Variants in MBTD1 observed in about 807,000 individuals in gnomAD.
MBTD1 encodes the protein mbt domain containing 1, also known as MBT domain-containing protein 1.
MBTD1 carries 24 observed loss-of-function variants against 87.8 expected under a neutral mutation model. The observed-to-expected ratio is 0.27, with a 90% CI of 0.20 to 0.38. MBTD1 has a LOEUF of 0.38. Among genes scored for constraint, MBTD1 ranks in the 10% least tolerant of loss-of-function variants. The pLI is 1.00. For synonymous variants in MBTD1, 237 were observed against 248.6 expected, an observed-to-expected ratio of 0.95 and a Z score of 0.44; for missense variants, 436 against 760.2, an observed-to-expected ratio of 0.57 and a Z score of 5.02.
At chr17:51,232,517 A>C (rs951493204) in intron 2 of MBTD1, among the ~76,000 whole-genome samples, 1 of 152,156 alleles carries the variant, frequency 6.6e-6, no homozygotes, top group African/African-American at 2.4e-5. Flanking sequence ...TAAAACAAAC[A>C]CCAACTTATT....
intron 2 of MBTD1, among the ~76,000 whole-genome samples, chr17:51,249,078 TC>T (rs1422885982): frequency 2.7e-5 from 4 of 149,402 alleles, no homozygotes; most frequent in Non-Finnish European, 5.9e-5. Context: ...TGGCGAGACT[TC>T]GTCTCTACAA....
chr17:51,183,650 CTG>C (rs1439546171), intron 16 of MBTD1: 2 of 152,196 alleles, frequency 1.3e-5, no homozygotes, highest in Non-Finnish European at 2.9e-5. Context: ...GCAAACAAGA[CTG>C]TGCAGTTAGT....
At chr17:51,257,937 G>A (rs1329796930) in intron 2 of MBTD1, among the ~76,000 whole-genome samples, 1 of 151,154 alleles carries the variant, frequency 6.6e-6, no homozygotes, top group Non-Finnish European at 1.5e-5. Flanking sequence ...AATTTGCAAG[G>A]TACTCACAAG....
intron 2 of MBTD1, among the ~76,000 whole-genome samples, chr17:51,234,021 T>C (rs1469188543): frequency 6.6e-6 from 1 of 151,390 alleles, no homozygotes; most frequent in Non-Finnish European, 1.5e-5. Flanking sequence ...TTGAGATCAA[T>C]AAAACTGATA....
At chr17:51,196,078 TTTAA>T (rs1391119955) in intron 12 of MBTD1, among the ~76,000 whole-genome samples, 1 of 152,078 alleles carries the variant, frequency 6.6e-6, no homozygotes, top group Non-Finnish European at 1.5e-5. Flanking sequence ...CGGCTAATTG[TTTAA>T]TTTTTATTTT....
intron 16 of MBTD1, among the ~76,000 whole-genome samples, chr17:51,189,776 A>G (rs535132080): frequency 6.6e-6 from 1 of 152,256 alleles, no homozygotes; most frequent in African/African-American, 2.4e-5. Flanking sequence ...CTTAGTGATC[A>G]TATCTGCTAT....
intron 2 of MBTD1, among the ~76,000 whole-genome samples, chr17:51,225,658 A>AG (rs2053172445): frequency 6.6e-6 from 1 of 152,126 alleles, no homozygotes; most frequent in South Asian, 2.1e-4. Context: ...CCCTGCCTCA[A>AG]GGGATGTCCT....
At position 51,227,315 on chromosome 17, in the gene MBTD1, C is replaced by CT. The variant is rs577586962; in HGVS notation, c.-48-2107dup. Among the ~76,000 whole-genome samples, 6 of 150,406 alleles carry CT rather than the reference C, an allele frequency of 4.0e-5. No homozygotes were observed. The South Asian group carries it at 1.3e-3, about 32-fold the overall frequency. ...GTGGCTCGCATCTGTAATCCTAGTA[C>CT]TTTGAGAAGTCAAGGCTGGTGGATT... On this transcript the variant is annotated intron_variant, in intron 2 of 16. Coordinates refer to ENST00000586178, the MANE Select transcript of MBTD1 (RefSeq NM_017643.3).
chr17:51,188,630 A>C (rs1361078885), intron 16 of MBTD1, among the ~76,000 whole-genome samples: 1 of 152,208 alleles, frequency 6.6e-6, no homozygotes, highest in Non-Finnish European at 1.5e-5. Flanking sequence ...TTAGTGAGAA[A>C]ACTTTCTAAC....
intron 2 of MBTD1, among the ~76,000 whole-genome samples, chr17:51,239,036 G>A (rs781372798): frequency 5.3e-5 from 8 of 151,716 alleles, no homozygotes; most frequent in Admixed American, 1.3e-4. Flanking sequence ...GGAGGAGGAG[G>A]TTGCAGTGAG....
At chr17:51,183,847 T>C (rs2050422607) in intron 16 of MBTD1, 1 of 152,154 alleles carries the variant, frequency 6.6e-6, no homozygotes, top group Admixed American at 6.5e-5. Context: ...TCATTAAAGG[T>C]GCAGTACCCA....
At chr17:51,218,442 T>C (rs1236141385) in intron 5 of MBTD1, among the ~76,000 whole-genome samples, 2 of 150,574 alleles carry the variant, frequency 1.3e-5, no homozygotes, top group African/African-American at 2.5e-5. Context: ...GACATGAGAA[T>C]TGTTCGAACC....
At chr17:51,211,546 G>A (rs2052219716) in intron 6 of MBTD1, among the ~76,000 whole-genome samples, 1 of 150,548 alleles carries the variant, frequency 6.6e-6, no homozygotes. Context: ...TGTTTATTAT[G>A]TTAGAGTCCA....
In MBTD1 at chr17:51,192,838, T is replaced by C; in HGVS notation, c.1634A>G (p.Tyr545Cys). 1.2e-6 allele frequency: 2 copies of C among 1,614,190 alleles called. No individual in the cohort carries two copies. The highest frequency in any genetic ancestry group is 1.7e-6 in the Non-Finnish European group (2 of 1,180,034). ...QWVDCESPDL[Y>C]PVGWCQLTGY... The stretch of plus-strand genomic sequence containing the variant: ...AGTTAACTGACACCACCCTACAGGA[T>C]AGAGGTCAGGTGACTCACAGTCTAC... The change falls in exon 15 of 17, where the codon TAT becomes TGT. Residue 545 changes from tyrosine (Y) to cysteine (C), a missense_variant. By Grantham distance (194) the Tyr-to-Cys change is radical. Coordinates refer to ENST00000586178, the MANE Select transcript of MBTD1 (RefSeq NM_017643.3).
At chr17:51,237,911 GTACGTCCA>G (rs2053943848) in intron 2 of MBTD1, among the ~76,000 whole-genome samples, 2 of 152,170 alleles carry the variant, frequency 1.3e-5, no homozygotes, top group Non-Finnish European at 2.9e-5. Context: ...ACAAATTGTG[GTACGTCCA>G]TACAATGATT....
At chr17:51,229,301 T>G (rs1016982544) in intron 2 of MBTD1, among the ~76,000 whole-genome samples, 1 of 152,180 alleles carries the variant, frequency 6.6e-6, no homozygotes, top group Admixed American at 6.5e-5. Flanking sequence ...AGATACAGTT[T>G]TTTTTTTAAT....
intron 12 of MBTD1, among the ~76,000 whole-genome samples, chr17:51,198,402 T>C (rs981435344): frequency 1.3e-5 from 2 of 152,154 alleles, no homozygotes; most frequent in African/African-American, 4.8e-5. Flanking sequence ...TTTGGTCTCT[T>C]CCCCCAAGTT....
At chr17:51,213,188 G>A (rs1200140947) in intron 6 of MBTD1, among the ~76,000 whole-genome samples, 1 of 152,014 alleles carries the variant, frequency 6.6e-6, no homozygotes, top group Non-Finnish European at 1.5e-5. Flanking sequence ...ACAGGCATGT[G>A]CCACCATGCC....
intron 2 of MBTD1, among the ~76,000 whole-genome samples, chr17:51,258,326 T>C (rs1316703704): frequency 6.6e-6 from 1 of 152,170 alleles, no homozygotes; most frequent in Non-Finnish European, 1.5e-5. Flanking sequence ...AGAGGCAGCA[T>C]AGCTCACCAA....
Sources: allele counts gnomAD v4.1 joint callset (sites outside exome capture counted in the v4.1 genomes callset), GRCh38; gene constraint gnomAD v4.1.1; transcripts MANE v1.5; gene names NCBI Gene and HGNC (gene_info 2026-07-23, HGNC 2026-07-21).